Variants in SLC25A48 observed in about 807,000 individuals in gnomAD.
SLC25A48 encodes the protein solute carrier family 25 member 48, also known as CTC-321K16.1.
In SLC25A48, 29 loss-of-function variants were observed where a neutral mutation model predicts 32.2. That is an observed-to-expected ratio of 0.90 (90% CI 0.67 to 1.23). The LOEUF (loss-of-function observed/expected upper bound fraction) is 1.23, where lower values mean the gene tolerates loss of function less well. Among genes scored for constraint, SLC25A48 ranks in the 50% most tolerant of loss-of-function variants. The pLI, the probability that SLC25A48 is intolerant of heterozygous loss-of-function variation, is 0.00. For synonymous variants in SLC25A48, 164 were observed against 172.3 expected (o/e 0.95, Z 0.38); for missense variants, 399 against 422.7 (o/e 0.94, Z 0.49).
At chr5:135,804,087 A>C (rs1480077699) in intron 3 of SLC25A48, among the ~76,000 whole-genome samples, 11 of 151,548 alleles carry the variant, frequency 7.3e-5, no homozygotes, top group African/African-American at 2.7e-4. Context: ...TCCACACATG[A>C]TGTACACCCC....
At chr5:135,632,631 G>A (rs756912813) in intron 2 of SLC25A48, among the ~76,000 whole-genome samples, 1 of 152,130 alleles carries the variant, frequency 6.6e-6, no homozygotes, top group Non-Finnish European at 1.5e-5. Context: ...AGAGGAGCCT[G>A]GGCAGAACAG....
intron 3 of SLC25A48, among the ~76,000 whole-genome samples, chr5:135,682,310 G>A (rs1580781378): frequency 6.6e-6 from 1 of 152,152 alleles, no homozygotes; most frequent in East Asian, 1.9e-4. Context: ...TTTTTTTGTT[G>A]TGTTGCTTAG....
intron 3 of SLC25A48, among the ~76,000 whole-genome samples, chr5:135,798,064 T>C (rs1359391800): frequency 2.6e-5 from 4 of 151,928 alleles, no homozygotes; most frequent in African/African-American, 9.7e-5. Context: ...GAAAAGAGAA[T>C]GATATTACTC....
rs1752505628 is a variant in SLC25A48, at chr5:135,629,250, AG to A, written c.-834del. On this transcript the variant is annotated 5_prime_UTR_variant, in exon 2 of 11. Transcript: ENST00000646290. This position sits in a 1 kb window ranked among gnomAD's most constrained non-coding sequence, Gnocchi z 4.8. ...TTTCTTTTTTAGCAGCCCAGCTTAA[AG>A]AAAGAAAGGAGGAAAAAAACCCTGC... 1 of 152,152 alleles carries A rather than the reference AG, an allele frequency of 6.6e-6. No homozygotes were observed. Among genetic ancestry groups the A allele is most frequent in the Admixed American group, 6.5e-5 (1 of 15,280 alleles). The allele number at this position is 152,152 out of a possible 1,614,324, so 9.4% of individuals were successfully genotyped here. A position where few individuals can be genotyped will look rare whatever the true frequency, so the allele number is the denominator to read the frequency against.
At chr5:135,865,475 C>T (rs4976511) in intron 4 of SLC25A48, among the ~76,000 whole-genome samples, 20,560 of 152,084 alleles carry the variant, frequency 0.14, 1,800 homozygotes, top group Middle Eastern at 0.2. Flanking sequence ...TAGGTGGGAC[C>T]CTGATTTTGG....
intron 7 of SLC25A48, chr5:135,883,596 C>A: frequency 1.7e-6 from 1 of 581,912 alleles, no homozygotes; most frequent in Non-Finnish European, 2.2e-6. Flanking sequence ...AGAAACTGAG[C>A]CGGGGCAGCC....
At chr5:135,687,678 A>G (rs1237636275) in intron 3 of SLC25A48, among the ~76,000 whole-genome samples, 1 of 152,096 alleles carries the variant, frequency 6.6e-6, no homozygotes, top group Non-Finnish European at 1.5e-5. Flanking sequence ...GTAAACAGAC[A>G]TTGTTTTCCT....
chr5:135,873,969 C>T (rs1761857628), intron 5 of SLC25A48, 52 bp from the exon 6 acceptor site: 1 of 1,487,872 alleles, frequency 6.7e-7, no homozygotes, highest in South Asian at 1.3e-5. Context: ...GAACCAGGCC[C>T]CTCCAGATCC....
chr5:135,653,464 G>A (rs954208540), intron 3 of SLC25A48, among the ~76,000 whole-genome samples: 9 of 152,216 alleles, frequency 5.9e-5, no homozygotes, highest in Admixed American at 1.3e-4. Context: ...AGGAATTAAG[G>A]TTTTGGTCAC....
chr5:135,654,087 T>G (rs1753184331), intron 3 of SLC25A48, among the ~76,000 whole-genome samples: 1 of 152,182 alleles, frequency 6.6e-6, no homozygotes, highest in Admixed American at 6.5e-5. Flanking sequence ...TGTGACATTT[T>G]CAGCAGGAGA....
At chr5:135,887,724 A>G (rs936026179) in intron 7 of SLC25A48, among the ~76,000 whole-genome samples, 2 of 151,670 alleles carry the variant, frequency 1.3e-5, no homozygotes, top group African/African-American at 4.9e-5. Context: ...CAAGAACTTC[A>G]CATTAGGGAG....
At position 135,888,119 on chromosome 5, in the gene SLC25A48, C is replaced by T. The variant is rs1762800710; in HGVS notation, c.*95C>T. ...AGCTGCAGATGTTTGGCCTTTGGAC[C>T]TCCAAGTGGACATCAATTAGCAAGC... On this transcript the variant is annotated 3_prime_UTR_variant, in exon 8 of 8. Coordinates refer to ENST00000681962, the MANE Select transcript of SLC25A48 (RefSeq NM_001349336.2). 1.3e-6 allele frequency: 2 copies of T among 1,547,782 alleles called. No individual in the cohort carries two copies. Among genetic ancestry groups the T allele is most frequent in the South Asian group, 1.2e-5 (1 of 83,898 alleles).
At chr5:135,780,510 A>G (rs1451313850) in intron 3 of SLC25A48, among the ~76,000 whole-genome samples, 3 of 117,656 alleles carry the variant, frequency 2.5e-5, no homozygotes, top group African/African-American at 7.8e-5. Context: ...GTCACTCCCA[A>G]TATTCCAAGG....
At chr5:135,750,220 GC>G (rs1755736948) in intron 3 of SLC25A48, among the ~76,000 whole-genome samples, 1 of 152,206 alleles carries the variant, frequency 6.6e-6, no homozygotes, top group Admixed American at 6.5e-5. Flanking sequence ...CATCAGCCTT[GC>G]TTAGTTTTCT....
chr5:135,625,851 A>G lies in SLC25A48; in HGVS notation c.-848-3386A>G, dbSNP rs574857884. Among the ~76,000 whole-genome samples the G allele has an allele frequency of 4.6e-5, 7 of 152,296 alleles. No homozygotes were observed. In the East Asian group the frequency reaches 9.7e-4, roughly 21 times the overall value. On this transcript the variant is annotated intron_variant, in intron 1 of 10. Transcript: ENST00000646290. ...AGACCCTCAGAGTCCCACTGGGTCAACCTTCACATCCTGGTAAGGGGCAGG... is the reference window on the plus strand; with the variant it reads ...AGACCCTCAGAGTCCCACTGGGTCAGCCTTCACATCCTGGTAAGGGGCAGG...
chr5:135,778,083 C>T (rs889113283), intron 3 of SLC25A48, among the ~76,000 whole-genome samples: 1 of 151,356 alleles, frequency 6.6e-6, no homozygotes, highest in Non-Finnish European at 1.5e-5. Flanking sequence ...TGATATTATT[C>T]CTAATATTTA....
At chr5:135,763,912 C>T (rs184648840) in intron 3 of SLC25A48, among the ~76,000 whole-genome samples, 1 of 152,238 alleles carries the variant, frequency 6.6e-6, no homozygotes, top group Admixed American at 6.5e-5. Flanking sequence ...CTCGCTCTGC[C>T]GCCCAGGCTG....
At chr5:135,776,473 A>G (rs1756565209) in intron 3 of SLC25A48, among the ~76,000 whole-genome samples, 1 of 151,982 alleles carries the variant, frequency 6.6e-6, no homozygotes, top group Non-Finnish European at 1.5e-5. Flanking sequence ...GGAGGTGTAC[A>G]GCCCTTTGTG....
At chr5:135,862,034 C>A (rs1450939321) in intron 4 of SLC25A48, among the ~76,000 whole-genome samples, 3 of 152,248 alleles carry the variant, frequency 2.0e-5, no homozygotes, top group African/African-American at 7.2e-5. Flanking sequence ...TGTGAAAAAA[C>A]CCTTCCTTTT....
Sources: gnomAD v4.1 joint callset for allele counts (sites outside exome capture counted in the v4.1 genomes callset) on GRCh38, gnomAD v4.1.1 for gene constraint, Gnocchi (gnomAD v3.1) non-coding constraint, MANE v1.5 for transcripts, NCBI Gene and HGNC (gene_info 2026-07-23, HGNC 2026-07-21) for gene names.